The following USP34 variants were observed in gnomAD, a reference collection of about 807,000 sequenced individuals.
USP34 encodes the protein ubiquitin carboxyl-terminal hydrolase 34.
Under a neutral mutation model 460.3 loss-of-function variants are expected in USP34, and 70 were observed. That is an observed-to-expected ratio of 0.15 (90% confidence interval 0.13 to 0.19). USP34 has a LOEUF of 0.19. USP34 is among the 10% of genes least tolerant of loss of function. The pLI, the probability that USP34 is intolerant of heterozygous loss-of-function variation, is 1.00. For missense variants in USP34, 3,985 were observed against 4,236.2 expected (o/e 0.94, Z 1.65); for synonymous variants, 1,647 against 1,405.3 (o/e 1.17, Z -3.85).
chr2:61,384,084 T>C (rs1693060573), intron 5 of USP34, among the ~76,000 whole-genome samples: 1 of 152,166 alleles, frequency 6.6e-6, no homozygotes, highest in South Asian at 2.1e-4. Flanking sequence ...CCATAATTTC[T>C]AGTCATTTCA....
In USP34 at chr2:61,406,114, C is replaced by A. The variant is rs764492385; in HGVS notation, c.146G>T (p.Cys49Phe). Residue 49 changes from cysteine (C) to phenylalanine (F), a missense_variant, in exon 3 of 80, where the codon TGC becomes TTC. By Grantham distance (205) the Cys-to-Phe change is radical. Transcript: ENST00000398571. ...NSWTQRQCLC[C>F]FKEYKHLEIF... ...CTCCAAATGCTTATATTCCTTGAAG[C>A]AGCATAGACATTGCCTATAAGAGAA... 6.3e-7 allele frequency: 1 copy of A among 1,594,498 alleles called. No homozygotes were observed. The highest frequency in any genetic ancestry group is 1.8e-5 in the Admixed American group (1 of 55,368).
At chr2:61,380,977 G>A (rs1255799055) in intron 6 of USP34, among the ~76,000 whole-genome samples, 1 of 152,158 alleles carries the variant, frequency 6.6e-6, no homozygotes. Flanking sequence ...TTTCAGCCAA[G>A]TCAATACAGA....
chr2:61,388,874 C>T (rs759964450), intron 5 of USP34, among the ~76,000 whole-genome samples: 2 of 152,014 alleles, frequency 1.3e-5, no homozygotes, highest in African/African-American at 2.4e-5. Context: ...CACCAAAACA[C>T]ACATAGAAGA....
intron 48 of USP34, among the ~76,000 whole-genome samples, chr2:61,252,806 A>G (rs1348032888): frequency 6.6e-6 from 1 of 152,220 alleles, no homozygotes; most frequent in Non-Finnish European, 1.5e-5. Flanking sequence ...GAAACCATGC[A>G]TTGTGTCAAT....
intron 3 of USP34, among the ~76,000 whole-genome samples, chr2:61,400,085 A>C (rs1693667376): frequency 1.3e-5 from 2 of 150,874 alleles, no homozygotes; most frequent in East Asian, 2.0e-4. Flanking sequence ...GAGAGAAATA[A>C]ATGAGTAACT....
chr2:61,203,343 A>G (rs1687027778), intron 74 of USP34, 80 bp from the exon 75 acceptor site: 1 of 1,283,056 alleles, frequency 7.8e-7, no homozygotes, highest in African/African-American at 1.5e-5. Context: ...AATAAGTTTA[A>G]CTAAAAAGCT....
At chr2:61,211,522 A>C (rs1402783122) in intron 69 of USP34, among the ~76,000 whole-genome samples, 2 of 152,196 alleles carry the variant, frequency 1.3e-5, no homozygotes, top group East Asian at 3.9e-4. Context: ...CATAAACAAG[A>C]CTATTCAAGC....
chr2:61,229,030 T>C (rs1463333290), intron 59 of USP34, 35 bp from the exon 60 acceptor site: 1 of 1,484,666 alleles, frequency 6.7e-7, no homozygotes, highest in Non-Finnish European at 9.0e-7. Flanking sequence ...AGAGAATGTA[T>C]GAGGTCTGGA....
chr2:61,331,463 AT>A lies in USP34; in HGVS notation c.2835-93del. On this transcript the variant is annotated intron_variant, in intron 19 of 79. Transcript: ENST00000398571. ...CAGTAAATATGCAAATCTAAAAAAA[AT>A]CTTCAAATGTAAAATTTTAGTTACG... 3.9e-6 allele frequency: 4 copies of A among 1,038,746 alleles called. No homozygotes were observed. In the South Asian group the frequency reaches 7.5e-5, roughly 20 times the overall value. 64.3% of individuals were successfully genotyped at this position (1,038,746 alleles called of 1,614,324 possible).
At chr2:61,205,325 A>T (rs550828298) in intron 72 of USP34, among the ~76,000 whole-genome samples, 63 of 152,304 alleles carry the variant, frequency 4.1e-4, no homozygotes, top group African/African-American at 1.5e-3. Context: ...GAAGGAATAA[A>T]TCTCACGATG....
rs556754974 is a variant in USP34 at position 61,187,878 on chromosome 2, A to G, written c.*224T>C. ...CACTAAAGTGAACTCTTAATTACATAAAACATATCCATTATCTGATTGCCC... is the reference window on the plus strand; with the variant it reads ...CACTAAAGTGAACTCTTAATTACATGAAACATATCCATTATCTGATTGCCC... On this transcript the variant is annotated 3_prime_UTR_variant, in exon 80 of 80. Coordinates refer to ENST00000398571, the MANE Select transcript of USP34 (RefSeq NM_014709.4). 1 of 1,368,684 alleles carries G rather than the reference A, an allele frequency of 7.3e-7. No homozygotes were observed. Among genetic ancestry groups the G allele is most frequent in the Non-Finnish European group, 9.5e-7 (1 of 1,054,562 alleles). The allele number at this position is 1,368,684 out of a possible 1,614,324, so 84.8% of individuals were successfully genotyped here.
At chr2:61,394,640 C>T (rs1193776290) in intron 5 of USP34, among the ~76,000 whole-genome samples, 1 of 151,774 alleles carries the variant, frequency 6.6e-6, no homozygotes, top group African/African-American at 2.4e-5. Context: ...TAGTCATGAC[C>T]CCTTTTAGCT....
chr2:61,330,224 A>G (rs1381753815), intron 20 of USP34, among the ~76,000 whole-genome samples: 2 of 152,210 alleles, frequency 1.3e-5, no homozygotes, highest in African/African-American at 4.8e-5. Context: ...TCATTTCTAA[A>G]GTAAAACGGT....
chr2:61,198,058 C>T (rs6714339), intron 75 of USP34, among the ~76,000 whole-genome samples: 24,859 of 152,142 alleles, frequency 0.16, 2,559 homozygotes, highest in African/African-American at 0.28. Context: ...TGTGCCGGGC[C>T]GGCAGTACCA....
At chr2:61,365,682 T>C (rs1202828604) in intron 10 of USP34, among the ~76,000 whole-genome samples, 1 of 152,124 alleles carries the variant, frequency 6.6e-6, no homozygotes. Context: ...CATACCTAAA[T>C]ATAGCATAAT....
chr2:61,205,865 T>C (rs1687104644), intron 72 of USP34, 152 bp downstream of exon 72: 2 of 567,128 alleles, frequency 3.5e-6, no homozygotes, highest in Non-Finnish European at 6.3e-6. Flanking sequence ...TTAAGAAATT[T>C]TCTTTATTTT....
chr2:61,231,147 CTA>C (rs1286424820), intron 58 of USP34, among the ~76,000 whole-genome samples: 2 of 152,038 alleles, frequency 1.3e-5, no homozygotes, highest in Non-Finnish European at 2.9e-5. Context: ...TCACAAAAGA[CTA>C]ATAGTGTATG....
chr2:61,345,942 G>A (rs527396202), intron 15 of USP34, among the ~76,000 whole-genome samples: 29 of 152,142 alleles, frequency 1.9e-4, no homozygotes, highest in African/African-American at 6.7e-4. Context: ...AAAAAATGAA[G>A]AAAAATTAAT....
At chr2:61,269,879 C>A (rs368496992) in intron 41 of USP34, among the ~76,000 whole-genome samples, 1 of 151,864 alleles carries the variant, frequency 6.6e-6, no homozygotes, top group Non-Finnish European at 1.5e-5. Context: ...ATTTGGAATA[C>A]CTGTGATTTC....
Sources: gnomAD v4.1 joint callset for allele counts (sites outside exome capture counted in the v4.1 genomes callset) on GRCh38, gnomAD v4.1.1 for gene constraint, MANE v1.5 for transcripts, NCBI Gene and HGNC (gene_info 2026-07-23, HGNC 2026-07-21) for gene names.